The following STIM1 variants were observed in gnomAD, a reference collection of about 807,000 sequenced individuals.
STIM1 encodes the protein stromal interaction molecule 1.
STIM1 carries 25 observed loss-of-function variants against 74.7 expected under a neutral mutation model. The observed-to-expected ratio is 0.33, with a 90% CI of 0.24 to 0.47. The LOEUF (loss-of-function observed/expected upper bound fraction) is 0.47, where lower values mean the gene tolerates loss of function less well. STIM1 is among the 20% of genes least tolerant of loss of function. The pLI is 1.00. For synonymous variants in STIM1, 328 were observed against 348.8 expected, an observed-to-expected ratio of 0.94 and a Z score of 0.66; for missense variants, 728 against 920.8, an observed-to-expected ratio of 0.79 and a Z score of 2.71.
At chr11:4,091,008 A>C (rs1590702906) in intron 12 of STIM1, among the ~76,000 whole-genome samples, 1 of 143,222 alleles carries the variant, frequency 7.0e-6, no homozygotes, top group Non-Finnish European at 1.5e-5. Flanking sequence ...CTACAATTCT[A>C]CTCTCCTTTT....
chr11:3,862,542 G>C (rs550243918), intron 1 of STIM1, among the ~76,000 whole-genome samples: 1 of 152,306 alleles, frequency 6.6e-6, no homozygotes, highest in African/African-American at 2.4e-5. Flanking sequence ...CTGTACTCCA[G>C]AGTTGCATAT....
intron 1 of STIM1, among the ~76,000 whole-genome samples, chr11:3,897,566 G>T (rs1016415890): frequency 6.6e-6 from 1 of 151,818 alleles, no homozygotes; most frequent in Non-Finnish European, 1.5e-5. Context: ...CAATGTGCAG[G>T]TTAGTTACAT....
In STIM1 at chr11:4,073,470, T is replaced by C. The variant is rs150406716; in HGVS notation, c.792-1032T>C. Among the ~76,000 whole-genome samples, 594 of 152,376 alleles carry C rather than the reference T, an allele frequency of 3.9e-3. 3 individuals are homozygous for C. Among genetic ancestry groups the C allele is most frequent in the African/African-American group, 0.014 (568 of 41,584 alleles). On this transcript the variant is annotated intron_variant, in intron 6 of 12. Transcript: ENST00000526596. ...GAATTTGTCACACTGAATACAGTTA[T>C]CTGTCTACTTGTCTTTGTTGGAGTA...
rs567650729 is a variant in STIM1 at position 3,892,567 on chromosome 11, T to G, written c.139+36158T>G. The G allele has an allele frequency of 2.2e-4, 358 of 1,601,394 alleles. 1 individual carries two copies. The African/African-American group carries it at 4.3e-3, about 19-fold the overall frequency. On this transcript the variant is annotated intron_variant, in intron 1 of 12. Transcript: ENST00000526596. ...TGCAGATGAAAAACTGGGAACTGTT[T>G]GTGTTGGGTCCAGCATTTGCCATGG... is the stretch of plus-strand genomic sequence containing the variant.
At chr11:3,891,059 TATG>T (rs2091879411) in intron 1 of STIM1, among the ~76,000 whole-genome samples, 1 of 152,208 alleles carries the variant, frequency 6.6e-6, no homozygotes, top group African/African-American at 2.4e-5. Flanking sequence ...TGCTAATTGT[TATG>T]ATAAGAAATG....
At chr11:4,037,273 A>G (rs113557844) in intron 3 of STIM1, among the ~76,000 whole-genome samples, 1 of 151,472 alleles carries the variant, frequency 6.6e-6, no homozygotes, top group Admixed American at 6.6e-5. Flanking sequence ...CTGGTCTCGA[A>G]CTCCTGACCT....
At chr11:3,944,770 A>G (rs1262235252) in intron 1 of STIM1, among the ~76,000 whole-genome samples, 1 of 152,212 alleles carries the variant, frequency 6.6e-6, no homozygotes, top group African/African-American at 2.4e-5. Context: ...AGCTCTGCAC[A>G]GTAGAGGTGA....
At chr11:4,067,445 A>G (rs1342087351) in intron 5 of STIM1, among the ~76,000 whole-genome samples, 3 of 152,226 alleles carry the variant, frequency 2.0e-5, no homozygotes, top group African/African-American at 7.2e-5. Context: ...TCTTAGAGTC[A>G]AGAGTTCCAA....
chr11:3,862,949 A>G (rs1338935291), intron 1 of STIM1, among the ~76,000 whole-genome samples: 2 of 151,914 alleles, frequency 1.3e-5, no homozygotes, highest in Non-Finnish European at 2.9e-5. Flanking sequence ...CTGGAGTGCA[A>G]TGGCGCCATC....
chr11:3,857,097 T>A (rs1045748559), intron 1 of STIM1, among the ~76,000 whole-genome samples: 2 of 37,868 alleles, frequency 5.3e-5, no homozygotes, highest in East Asian at 1.3e-3. Context: ...ATGCTACAGG[T>A]TTTTTTTTTT....
chr11:4,045,488 C>T (rs2094183900), intron 3 of STIM1, among the ~76,000 whole-genome samples: 1 of 150,986 alleles, frequency 6.6e-6, no homozygotes, highest in Non-Finnish European at 1.5e-5. Context: ...CTTGCTCTGT[C>T]ACCCAGGCTG....
intron 1 of STIM1, among the ~76,000 whole-genome samples, chr11:3,897,318 G>C (rs1235459189): frequency 6.6e-6 from 1 of 152,114 alleles, no homozygotes; most frequent in Non-Finnish European, 1.5e-5. Context: ...TTGACTGAAA[G>C]CTGGCCTCTT....
chr11:4,089,867 TCTC>T, intron 12 of STIM1, among the ~76,000 whole-genome samples: 1 of 152,268 alleles, frequency 6.6e-6, no homozygotes, highest in South Asian at 2.1e-4. Context: ...CCCTTAGGTC[TCTC>T]CTCTGCTTTT....
intron 1 of STIM1, among the ~76,000 whole-genome samples, chr11:3,955,391 T>G (rs2093198965): frequency 6.6e-6 from 1 of 152,208 alleles, no homozygotes; most frequent in African/African-American, 2.4e-5. Context: ...TTAAAAATAT[T>G]CATGCCTCAT....
chr11:3,895,620 T>TTCTTTCTTTCTTTC (rs2092050427), intron 1 of STIM1, among the ~76,000 whole-genome samples: 2 of 4,348 alleles, frequency 4.6e-4, no homozygotes, highest in African/African-American at 1.5e-3. Context: ...CTTTCTTTCT[T>TTCTTTCTTTCTTTC]TCTTTCTTTC....
chr11:3,944,500 T>C (rs2093048692), intron 1 of STIM1, among the ~76,000 whole-genome samples: 1 of 152,166 alleles, frequency 6.6e-6, no homozygotes, highest in Admixed American at 6.5e-5. Context: ...TGATGGTAAG[T>C]TGAAAAGAGA....
At chr11:3,907,841 C>G (rs2092491551) in intron 1 of STIM1, among the ~76,000 whole-genome samples, 1 of 152,230 alleles carries the variant, frequency 6.6e-6, no homozygotes, top group Non-Finnish European at 1.5e-5. Context: ...GACAGACATA[C>G]TCTTGCCTCA....
chr11:4,012,020 T>C (rs991801063), intron 2 of STIM1, among the ~76,000 whole-genome samples: 6 of 152,112 alleles, frequency 3.9e-5, no homozygotes, highest in Non-Finnish European at 7.4e-5. Context: ...GTTTGTCAAA[T>C]ATTAGATGGT....
chr11:4,022,057 C>T (rs985871553), intron 2 of STIM1, among the ~76,000 whole-genome samples: 2 of 151,932 alleles, frequency 1.3e-5, no homozygotes, highest in East Asian at 3.9e-4. Flanking sequence ...ATTGGCTGGG[C>T]ATGGTGGCTC....
Sources: gnomAD v4.1 joint callset for allele counts (sites outside exome capture counted in the v4.1 genomes callset) on GRCh38, gnomAD v4.1.1 for gene constraint, MANE v1.5 for transcripts, NCBI Gene and HGNC (gene_info 2026-07-23, HGNC 2026-07-21) for gene names.